The following CNBD1 variants were observed in gnomAD, a reference collection of about 807,000 sequenced individuals.
The protein encoded by CNBD1 is cyclic nucleotide-binding domain-containing protein 1.
Under a neutral mutation model 54.4 loss-of-function variants are expected in CNBD1, and 71 were observed. The ratio of observed to expected loss-of-function variants is 1.30; its 90% confidence interval spans 1.08 to 1.59. The LOEUF (loss-of-function observed/expected upper bound fraction) is 1.59. Ranked by LOEUF, CNBD1 falls within the 40% of genes most tolerant of loss-of-function variation. The probability of loss-of-function intolerance (pLI) is 0.00; values close to 1 mark genes in which losing one functional copy is unlikely to be tolerated. For missense variants in CNBD1, 659 were observed against 518.0 expected, an observed-to-expected ratio of 1.27 and a Z score of -2.64; for synonymous variants, 182 against 170.7, an observed-to-expected ratio of 1.07 and a Z score of -0.51.
At chr8:87,004,108 C>G (rs1395985342) in intron 4 of CNBD1, among the ~76,000 whole-genome samples, 1 of 152,166 alleles carries the variant, frequency 6.6e-6, no homozygotes, top group Non-Finnish European at 1.5e-5. Context: ...TATCAATGAA[C>G]TATTGGTGCA....
chr8:87,057,022 C>A (rs1007580788), intron 4 of CNBD1, among the ~76,000 whole-genome samples: 2 of 152,070 alleles, frequency 1.3e-5, no homozygotes, highest in East Asian at 1.9e-4. Flanking sequence ...AAAGTTGATA[C>A]AATGTTACTT....
chr8:86,935,504 C>T (rs1809532343), intron 3 of CNBD1, among the ~76,000 whole-genome samples: 1 of 152,042 alleles, frequency 6.6e-6, no homozygotes, highest in African/African-American at 2.4e-5. Context: ...AGTATTTGTT[C>T]ATCTAAATTT....
At chr8:87,349,965 T>A (rs542325407) in intron 8 of CNBD1, among the ~76,000 whole-genome samples, 1 of 152,218 alleles carries the variant, frequency 6.6e-6, no homozygotes, top group Admixed American at 6.5e-5. Flanking sequence ...AGGGTTTGAC[T>A]TCCAAGAATT....
chr8:87,066,772 T>G, intron 4 of CNBD1, among the ~76,000 whole-genome samples: 1 of 151,948 alleles, frequency 6.6e-6, no homozygotes, highest in East Asian at 1.9e-4. Flanking sequence ...TTTTGAAAAC[T>G]AATAGTTTCA....
intron 4 of CNBD1, among the ~76,000 whole-genome samples, chr8:87,181,267 A>G (rs1474039759): frequency 2.0e-5 from 3 of 152,206 alleles, no homozygotes; most frequent in African/African-American, 7.2e-5. Flanking sequence ...TATATACAGT[A>G]TGCAACTTAA....
chr8:87,253,185 G>A (rs1807944171), intron 6 of CNBD1, among the ~76,000 whole-genome samples: 1 of 152,114 alleles, frequency 6.6e-6, no homozygotes, highest in South Asian at 2.1e-4. Flanking sequence ...TCACTTATCA[G>A]GGCCACTCCC....
At chr8:87,047,529 A>G (rs932867993) in intron 4 of CNBD1, among the ~76,000 whole-genome samples, 1 of 152,234 alleles carries the variant, frequency 6.6e-6, no homozygotes, top group Non-Finnish European at 1.5e-5. Context: ...ACTAAGCTTG[A>G]CAGAAACAAA....
chr8:87,284,870 A>T, intron 7 of CNBD1, 55 bp downstream of exon 7: 1 of 1,257,552 alleles, frequency 8.0e-7, no homozygotes, highest in Non-Finnish European at 1.1e-6. Flanking sequence ...AACTCAAGCT[A>T]CATTTTGATT....
chr8:87,228,077 G>A (rs1814551423), intron 5 of CNBD1, among the ~76,000 whole-genome samples: 1 of 151,588 alleles, frequency 6.6e-6, no homozygotes, highest in Admixed American at 6.6e-5. Context: ...CTCGAGCCTT[G>A]GTTTTCAGCT....
In CNBD1 at chr8:87,113,051, A is replaced by G. The variant is rs190138560; in HGVS notation, c.432-92942A>G. Among the ~76,000 whole-genome samples the G allele has an allele frequency of 1.3e-3, 193 of 152,350 alleles. 2 individuals are homozygous for G. The highest frequency in any genetic ancestry group is 2.9e-4 in the Non-Finnish European group (20 of 68,032). On this transcript the variant is annotated intron_variant, in intron 4 of 10. Coordinates refer to ENST00000518476, the MANE Select transcript of CNBD1 (RefSeq NM_173538.3). Reference sequence around the variant, plus strand: ...AGCTCTGAAGTATAAATTGCATCATAGAGACTGTCCTCTCCAGAAGCAAAA... The same window carrying G: ...AGCTCTGAAGTATAAATTGCATCATGGAGACTGTCCTCTCCAGAAGCAAAA...
chr8:87,131,102 A>G (rs989379191), intron 4 of CNBD1, among the ~76,000 whole-genome samples: 14 of 149,466 alleles, frequency 9.4e-5, no homozygotes, highest in Non-Finnish European at 1.9e-4. Context: ...CTCTTGCAGA[A>G]TAGTTATGTC....
At chr8:87,273,124 T>C (rs1808401172) in intron 6 of CNBD1, among the ~76,000 whole-genome samples, 1 of 151,966 alleles carries the variant, frequency 6.6e-6, no homozygotes, top group African/African-American at 2.4e-5. Flanking sequence ...ATAGTAGTAC[T>C]GTAGTAGTGA....
At chr8:86,989,817 G>A (rs1417361125) in intron 4 of CNBD1, among the ~76,000 whole-genome samples, 3 of 152,078 alleles carry the variant, frequency 2.0e-5, no homozygotes, top group Non-Finnish European at 4.4e-5. Context: ...AACAGTGTAC[G>A]AGGGTTCCCT....
intron 4 of CNBD1, among the ~76,000 whole-genome samples, chr8:87,010,471 A>C (rs1809194289): frequency 6.6e-6 from 1 of 152,126 alleles, no homozygotes; most frequent in Non-Finnish European, 1.5e-5. Flanking sequence ...ACTCCATGCC[A>C]GGCATGGTGG....
rs531257627 is a variant in CNBD1, at chr8:87,300,119, A to C, written c.1042+13448A>C. 5.9e-5 allele frequency among the ~76,000 whole-genome samples: 9 copies of C among 152,362 alleles called. No individual in the cohort carries two copies. The East Asian group carries it at 1.7e-3, about 29-fold the overall frequency. Reference sequence around the variant, plus strand: ...GCAAATCAGTTATCCATAAGTCAGCATCACTTGCAGTTTAAAAAATATAAA... The same window carrying C: ...GCAAATCAGTTATCCATAAGTCAGCCTCACTTGCAGTTTAAAAAATATAAA... On this transcript the variant is annotated intron_variant, in intron 8 of 10. Coordinates refer to ENST00000518476, the MANE Select transcript of CNBD1 (RefSeq NM_173538.3).
chr8:87,164,133 C>T (rs534443414), intron 4 of CNBD1, among the ~76,000 whole-genome samples: 2 of 151,912 alleles, frequency 1.3e-5, no homozygotes, highest in Non-Finnish European at 2.9e-5. Context: ...CTTTGCACCT[C>T]AGGGATAAAT....
At chr8:87,235,712 AC>A (rs768986869) in intron 5 of CNBD1, among the ~76,000 whole-genome samples, 1 of 152,210 alleles carries the variant, frequency 6.6e-6, no homozygotes, top group Non-Finnish European at 1.5e-5. Flanking sequence ...TGTGAGAATT[AC>A]CAAAATGTGA....
chr8:87,088,064 G>T (rs918501296), intron 4 of CNBD1, among the ~76,000 whole-genome samples: 8 of 152,144 alleles, frequency 5.3e-5, no homozygotes, highest in Non-Finnish European at 1.2e-4. Flanking sequence ...GTAATACATT[G>T]ATGGCAAAAG....
intron 6 of CNBD1, among the ~76,000 whole-genome samples, chr8:87,279,409 T>C (rs1410088586): frequency 1.3e-5 from 2 of 151,476 alleles, no homozygotes; most frequent in Non-Finnish European, 3.0e-5. Context: ...AAAGCAAATA[T>C]ACATTAAACG....
Sources: gnomAD v4.1 joint callset for allele counts (sites outside exome capture counted in the v4.1 genomes callset) on GRCh38, gnomAD v4.1.1 for gene constraint, MANE v1.5 for transcripts, NCBI Gene and HGNC (gene_info 2026-07-23, HGNC 2026-07-21) for gene names.